Variants in RAPGEF5 observed in about 807,000 individuals in gnomAD.
RAPGEF5 encodes the protein M-Ras-regulated GEF.
RAPGEF5 carries 65 observed loss-of-function variants against 125.2 expected under a neutral mutation model. The observed-to-expected ratio is 0.52, with a 90% CI of 0.43 to 0.64. The LOEUF (loss-of-function observed/expected upper bound fraction) is 0.64. Among genes scored for constraint, RAPGEF5 ranks in the 30% least tolerant of loss-of-function variants. The probability of loss-of-function intolerance (pLI) is 0.00; values close to 1 mark genes in which losing one functional copy is unlikely to be tolerated. For missense variants in RAPGEF5, 958 were observed against 1,048.1 expected (o/e 0.91, Z 1.19); for synonymous variants, 391 against 385.9 (o/e 1.01, Z -0.16).
chr7:22,119,359 T>C lies in RAPGEF5; in HGVS notation c.*3047A>G, dbSNP rs3779069. On this transcript the variant is annotated 3_prime_UTR_variant, in exon 26 of 26. Coordinates refer to ENST00000665637, the MANE Select transcript of RAPGEF5 (RefSeq NM_012294.5). The surrounding 1 kb of genome is among the most constrained non-coding windows in gnomAD (Gnocchi z 4.1). ...GTTTGTGGTTCTCGGTCTAGGGAAATGAATTTATTCTAAACATAATTAAGG... is the reference window on the plus strand; with the variant it reads ...GTTTGTGGTTCTCGGTCTAGGGAAACGAATTTATTCTAAACATAATTAAGG... 0.38 allele frequency: 58,005 copies of C among 152,074 alleles called. 12,988 individuals carry two copies. The highest frequency in any genetic ancestry group is 0.63 in the East Asian group (3,250 of 5,172). The allele number at this position is 152,074 out of a possible 1,614,324, so 9.4% of individuals were successfully genotyped here.
intron 8 of RAPGEF5, among the ~76,000 whole-genome samples, chr7:22,229,987 G>A (rs1786019290): frequency 6.6e-6 from 1 of 152,160 alleles, no homozygotes; most frequent in South Asian, 2.1e-4. Flanking sequence ...AGTAAGGTCT[G>A]TGTATCCTTT....
chr7:22,210,913 A>G (rs1006680998), intron 9 of RAPGEF5, among the ~76,000 whole-genome samples: 1 of 152,190 alleles, frequency 6.6e-6, no homozygotes, highest in African/African-American at 2.4e-5. Flanking sequence ...GACCAAAACA[A>G]TCATCCTTTT....
intron 1 of RAPGEF5, among the ~76,000 whole-genome samples, chr7:22,347,782 A>G (rs997353883): frequency 8.5e-5 from 13 of 152,222 alleles, no homozygotes; most frequent in African/African-American, 3.1e-4. Flanking sequence ...TGTTGTTACC[A>G]GGTCTAAATG....
chr7:22,333,590 G>A (rs374392636), intron 1 of RAPGEF5, among the ~76,000 whole-genome samples: 33 of 152,256 alleles, frequency 2.2e-4, no homozygotes, highest in African/African-American at 7.5e-4. Flanking sequence ...TTTAAAAAGA[G>A]GGGGACCTCT....
At chr7:22,306,239 T>A (rs1443275171) in intron 5 of RAPGEF5, among the ~76,000 whole-genome samples, 2 of 152,144 alleles carry the variant, frequency 1.3e-5, no homozygotes, top group African/African-American at 4.8e-5. Context: ...ACATAAGCCA[T>A]TGTCTTTTGA....
intron 1 of RAPGEF5, among the ~76,000 whole-genome samples, chr7:22,338,577 A>C (rs1236076382): frequency 6.6e-6 from 1 of 152,222 alleles, no homozygotes; most frequent in Non-Finnish European, 1.5e-5. Flanking sequence ...TGAGGTAGAC[A>C]TTCCTAACAT....
intron 7 of RAPGEF5, among the ~76,000 whole-genome samples, chr7:22,263,599 A>G (rs537966890): frequency 9.2e-4 from 140 of 152,160 alleles, no homozygotes; most frequent in African/African-American, 2.2e-3. Flanking sequence ...GTGTGGTGGT[A>G]CATGCCTGTA....
chr7:22,184,082 C>T (rs1784757027), intron 11 of RAPGEF5, among the ~76,000 whole-genome samples: 1 of 152,212 alleles, frequency 6.6e-6, no homozygotes. Flanking sequence ...GTAAAATGGT[C>T]AACCTTTTGT....
In RAPGEF5 at chr7:22,162,491, C is replaced by A; in HGVS notation, c.1334G>T (p.Arg445Leu). ...QGKEENSDVP[R>L]RKRKVLHLVS... is the part of the protein sequence containing the mutation. ...AAGATGCAAGACTTTACGTTTCCTA[C>A]GCGGAACGTCTGAGTTTTCCTCTTT... The change falls in exon 13 of 26, where the codon CGT (arginine) becomes CTT (leucine). Residue 445 changes from arginine (R) to leucine (L), a missense_variant. Physicochemically the swap from Arg to Leu is moderately radical, Grantham distance 102. Transcript: ENST00000665637. 1 of 1,608,470 alleles carries A rather than the reference C, an allele frequency of 6.2e-7. No homozygotes were observed. Among genetic ancestry groups the A allele is most frequent in the South Asian group, 1.1e-5 (1 of 90,954 alleles).
intron 19 of RAPGEF5, among the ~76,000 whole-genome samples, chr7:22,146,503 T>C (rs996238352): frequency 5.3e-5 from 8 of 152,214 alleles, no homozygotes; most frequent in Non-Finnish European, 1.2e-4. Context: ...AGTAAAAAGA[T>C]GGATATGTGT....
chr7:22,160,518 TGAC>T lies in RAPGEF5; in HGVS notation c.1523_1525del (p.Arg508del). On this transcript the variant is annotated inframe_deletion and splice_region_variant, in exon 14 of 26. Transcript: ENST00000665637. The stretch of plus-strand genomic sequence containing the variant: ...ATAATTAGGAAAATGAAATACTTAC[TGAC>T]GACGGTGCATTCCAAGTATCTTTTG... 6.5e-7 allele frequency: 1 copy of T among 1,539,886 alleles called. No individual in the cohort carries two copies.
chr7:22,266,613 C>T (rs1345385144), intron 7 of RAPGEF5, among the ~76,000 whole-genome samples: 1 of 152,080 alleles, frequency 6.6e-6, no homozygotes. Flanking sequence ...TACCCATTGT[C>T]CTTTGTCATT....
chr7:22,146,480 T>C (rs1783442773), intron 19 of RAPGEF5, among the ~76,000 whole-genome samples: 1 of 152,232 alleles, frequency 6.6e-6, no homozygotes, highest in African/African-American at 2.4e-5. Flanking sequence ...TCTAAATTTG[T>C]AGAATGTTCT....
intron 18 of RAPGEF5, 122 bp from the exon 19 acceptor site, chr7:22,147,141 T>C: frequency 7.8e-7 from 1 of 1,280,430 alleles, no homozygotes; most frequent in Non-Finnish European, 1.1e-6. Flanking sequence ...GTGCACTTAA[T>C]ATTTTCCCTG....
At chr7:22,159,097 C>T (rs1009137489) in intron 14 of RAPGEF5, among the ~76,000 whole-genome samples, 1 of 152,206 alleles carries the variant, frequency 6.6e-6, no homozygotes, top group Non-Finnish European at 1.5e-5. Flanking sequence ...AGGTCTGCCT[C>T]ATAGCACAGA....
At chr7:22,205,434 A>T (rs1785376477) in intron 9 of RAPGEF5, among the ~76,000 whole-genome samples, 1 of 152,190 alleles carries the variant, frequency 6.6e-6, no homozygotes, top group South Asian at 2.1e-4. Context: ...AACATCTCAA[A>T]CCACCCACAA....
At chr7:22,176,436 A>G (rs7786882) in intron 11 of RAPGEF5, among the ~76,000 whole-genome samples, 59,877 of 151,894 alleles carry the variant, frequency 0.39, 12,730 homozygotes, top group Non-Finnish European at 0.47. Flanking sequence ...AGGATTGGCA[A>G]GATAGCTAGG....
At chr7:22,301,330 G>A (rs73282244) in intron 5 of RAPGEF5, among the ~76,000 whole-genome samples, 1 of 152,146 alleles carries the variant, frequency 6.6e-6, no homozygotes, top group Non-Finnish European at 1.5e-5. Context: ...AAAATTAAGA[G>A]TAGGGCCAGG....
intron 1 of RAPGEF5, among the ~76,000 whole-genome samples, chr7:22,322,911 C>T: frequency 6.6e-6 from 1 of 152,210 alleles, no homozygotes; most frequent in Middle Eastern, 3.2e-3. Context: ...CAAATTGAAC[C>T]TCTCCTCATC....
Sources: allele counts gnomAD v4.1 joint callset (sites outside exome capture counted in the v4.1 genomes callset), GRCh38; gene constraint gnomAD v4.1.1; non-coding constraint Gnocchi (gnomAD v3.1); transcripts MANE v1.5; gene names NCBI Gene and HGNC (gene_info 2026-07-23, HGNC 2026-07-21).